The following GLI2 variants were observed in gnomAD, a reference collection of about 807,000 sequenced individuals.
The protein encoded by GLI2 is GLI family zinc finger 2.
In GLI2, 22 loss-of-function variants were observed where a neutral mutation model predicts 78.9. The ratio of observed to expected loss-of-function variants is 0.28; its 90% CI spans 0.20 to 0.40. The LOEUF is 0.40. GLI2 is among the 10% of genes least tolerant of loss of function. The probability of loss-of-function intolerance (pLI) is 1.00; values close to 1 mark genes in which losing one functional copy is unlikely to be tolerated. For synonymous variants in GLI2, 974 were observed against 963.7 expected, an observed-to-expected ratio of 1.01 and a Z score of -0.20; for missense variants, 2,097 against 2,213.2, an observed-to-expected ratio of 0.95 and a Z score of 1.05.
intron 2 of GLI2, among the ~76,000 whole-genome samples, chr2:120,828,142 G>A (rs1167372007): frequency 6.6e-6 from 1 of 152,240 alleles, no homozygotes; most frequent in Non-Finnish European, 1.5e-5. Context: ...TGAACCTTGG[G>A]TCCTCCTGGT....
chr2:120,769,504 G>T lies in GLI2; in HGVS notation c.-30-27787G>T, dbSNP rs117545885. ...CCAGGCCCTAGAGACCTGGCCCAGC[G>T]CTCCCAGCTACTGGGGAGTTGTCCA... On this transcript the variant is annotated intron_variant, in intron 1 of 13. Coordinates refer to ENST00000361492, the MANE Select transcript of GLI2 (RefSeq NM_001374353.1). Among the ~76,000 whole-genome samples the T allele has an allele frequency of 1.6e-4, 25 of 152,316 alleles. No individual in the cohort carries two copies. The East Asian group carries it at 4.6e-3, about 28-fold the overall frequency.
At chr2:120,930,003 G>A (rs536203928) in intron 3 of GLI2, among the ~76,000 whole-genome samples, 2 of 152,342 alleles carry the variant, frequency 1.3e-5, no homozygotes, top group African/African-American at 4.8e-5. Flanking sequence ...TTGCTCATGA[G>A]TCATGTTTGG....
chr2:120,790,649 A>G (rs1325670262), intron 1 of GLI2, among the ~76,000 whole-genome samples: 3 of 152,024 alleles, frequency 2.0e-5, no homozygotes, highest in Non-Finnish European at 4.4e-5. Flanking sequence ...GACCCTTCAC[A>G]CCTTCCTGAG....
chr2:120,830,281 C>T (rs1322707757), intron 2 of GLI2, among the ~76,000 whole-genome samples: 1 of 152,214 alleles, frequency 6.6e-6, no homozygotes, highest in South Asian at 2.1e-4. Flanking sequence ...TTTAAGTGGC[C>T]TTGGCCTAGC....
intron 2 of GLI2, among the ~76,000 whole-genome samples, chr2:120,882,954 G>C (rs1182194545): frequency 6.6e-6 from 1 of 152,066 alleles, no homozygotes; most frequent in Non-Finnish European, 1.5e-5. Context: ...CCTCTCCCCA[G>C]AGCGGGCATC....
At chr2:120,885,463 A>T (rs1440887975) in intron 2 of GLI2, among the ~76,000 whole-genome samples, 5 of 152,190 alleles carry the variant, frequency 3.3e-5, no homozygotes, top group Admixed American at 2.0e-4. Context: ...CAGCCTCGGA[A>T]ATGCTGACAA....
intron 1 of GLI2, among the ~76,000 whole-genome samples, chr2:120,796,235 T>C (rs1198533994): frequency 6.6e-6 from 1 of 152,050 alleles, no homozygotes; most frequent in Non-Finnish European, 1.5e-5. Context: ...CATCCCTCCT[T>C]ATCTAGTCTG....
chr2:120,920,390 C>T (rs931616001), intron 2 of GLI2, among the ~76,000 whole-genome samples: 2 of 152,226 alleles, frequency 1.3e-5, no homozygotes, highest in African/African-American at 4.8e-5. Flanking sequence ...GATTCTTTGT[C>T]TGAACTCTGC....
At position 120,764,435 on chromosome 2, in the gene GLI2, T is replaced by TAA. The variant is rs142757434; in HGVS notation, c.-31+28157_-31+28158dup. Among the ~76,000 whole-genome samples the TAA allele has an allele frequency of 2.9e-4, 44 of 152,130 alleles. No homozygotes were observed. The East Asian group carries it at 3.7e-3, about 13-fold the overall frequency. ...TGTTTCTGTGAATGCTTTAATCTTT[T>TAA]AAAAAAAAGAGAACGGATTACTTCC... On this transcript the variant is annotated intron_variant, in intron 1 of 13. Transcript: ENST00000361492.
At chr2:120,934,848 G>A (rs957384288) in intron 3 of GLI2, among the ~76,000 whole-genome samples, 1 of 152,074 alleles carries the variant, frequency 6.6e-6, no homozygotes, top group African/African-American at 2.4e-5. Context: ...AGTCTGGGGG[G>A]ATTTGAAGAT....
At chr2:120,947,894 C>G (rs1680789800) in intron 3 of GLI2, among the ~76,000 whole-genome samples, 1 of 152,200 alleles carries the variant, frequency 6.6e-6, no homozygotes, top group Non-Finnish European at 1.5e-5. Context: ...TCTTCAGGCC[C>G]GGCACTGCAG....
chr2:120,857,364 C>G (rs1687700198), intron 2 of GLI2, among the ~76,000 whole-genome samples: 1 of 124,602 alleles, frequency 8.0e-6, no homozygotes, highest in Admixed American at 8.6e-5. Context: ...TACCTATCTG[C>G]CCACTCACCT....
In GLI2 at chr2:120,986,627, C is replaced by T; in HGVS notation, c.2242+13C>T. 6.2e-7 allele frequency: 1 copy of T among 1,611,302 alleles called. No individual in the cohort carries two copies. The highest frequency in any genetic ancestry group is 1.1e-5 in the South Asian group (1 of 90,948). ...CTCCCGGGAAGTGGTGAGTAAAGGC[C>T]TGGGGTTTGCAGATGGGGCAGAAGA... On this transcript the variant is annotated intron_variant, in intron 13 of 13. Transcript: ENST00000361492.
At chr2:120,838,567 T>A (rs894238964) in intron 2 of GLI2, among the ~76,000 whole-genome samples, 2 of 152,232 alleles carry the variant, frequency 1.3e-5, no homozygotes, top group African/African-American at 4.8e-5. Flanking sequence ...ATTTTAAAAT[T>A]TCTGATAGCC....
intron 5 of GLI2, among the ~76,000 whole-genome samples, chr2:120,960,795 A>C (rs534750973): frequency 6.6e-6 from 1 of 152,370 alleles, no homozygotes; most frequent in African/African-American, 2.4e-5. Flanking sequence ...CACTGAGGCC[A>C]GGGTGCCGGC....
intron 2 of GLI2, among the ~76,000 whole-genome samples, chr2:120,803,055 A>G (rs1196574138): frequency 1.3e-5 from 2 of 152,238 alleles, no homozygotes; most frequent in African/African-American, 4.8e-5. Flanking sequence ...GGGTCTTCCC[A>G]TACATAAAAT....
chr2:120,952,412 G>C (rs1340345257), intron 4 of GLI2, among the ~76,000 whole-genome samples: 1 of 152,328 alleles, frequency 6.6e-6, no homozygotes, highest in East Asian at 1.9e-4. Flanking sequence ...CGAGAGGAAT[G>C]CATCCTCTTC....
chr2:120,896,220 C>G (rs1194813385), intron 2 of GLI2, among the ~76,000 whole-genome samples: 2 of 152,092 alleles, frequency 1.3e-5, no homozygotes, highest in Non-Finnish European at 2.9e-5. Flanking sequence ...CCTTCTTTCC[C>G]CCACCCTCTC....
chr2:120,753,669 C>T (rs936416389), intron 1 of GLI2, among the ~76,000 whole-genome samples: 1 of 151,908 alleles, frequency 6.6e-6, no homozygotes, highest in Non-Finnish European at 1.5e-5. Context: ...AAGGCCGAGG[C>T]GGGCGGATCA....
Sources: allele counts gnomAD v4.1 joint callset (sites outside exome capture counted in the v4.1 genomes callset), GRCh38; gene constraint gnomAD v4.1.1; transcripts MANE v1.5; gene names NCBI Gene and HGNC (gene_info 2026-07-23, HGNC 2026-07-21).